Variants in RBFOX3 observed in about 807,000 individuals in gnomAD.
RBFOX3 encodes RNA binding fox-1 homolog 3.
Under a neutral mutation model 48.7 loss-of-function variants are expected in RBFOX3, and 17 were observed. The observed-to-expected ratio is 0.35, with a 90% CI of 0.24 to 0.52. RBFOX3 has a LOEUF of 0.52. RBFOX3 is among the 20% of genes least tolerant of loss of function. The pLI is 0.94. For missense variants in RBFOX3, 382 were observed against 497.5 expected, an observed-to-expected ratio of 0.77 and a Z score of 2.21; for synonymous variants, 212 against 209.5, an observed-to-expected ratio of 1.01 and a Z score of -0.10.
intron 2 of RBFOX3, among the ~76,000 whole-genome samples, chr17:79,420,435 G>T (rs542906948): frequency 6.6e-6 from 1 of 152,252 alleles, no homozygotes; most frequent in South Asian, 2.1e-4. Flanking sequence ...GTGAGTCAGC[G>T]GCCCCAGGGC....
chr17:79,252,731 T>C lies in RBFOX3; in HGVS notation c.-73-16926A>G, dbSNP rs1257433051. On this transcript the variant is annotated intron_variant, in intron 3 of 14. Coordinates refer to ENST00000693108, the MANE Select transcript of RBFOX3 (RefSeq NM_001350451.2). The surrounding 1 kb of genome is among the most constrained non-coding windows in gnomAD (Gnocchi z 4.0). ...TCTCAGCGTCACATCGCTCTGGCTG[T>C]GTTGACCACTCCCAGCCAACTGCCC... Among the ~76,000 whole-genome samples the C allele has an allele frequency of 6.6e-6, 1 of 152,210 alleles. No homozygotes were observed. Among genetic ancestry groups the C allele is most frequent in the African/African-American group, 2.4e-5 (1 of 41,454 alleles).
chr17:79,090,612 G>A lies in RBFOX3; in HGVS notation c.*271C>T, dbSNP rs1472443019. ...CTCCAACTCCCCCACTGCCTGAGAC[G>A]GAGGGGCGTGTTCCCACTGTGCTGC... On this transcript the variant is annotated 3_prime_UTR_variant, in exon 15 of 15. Coordinates refer to ENST00000693108, the MANE Select transcript of RBFOX3 (RefSeq NM_001350451.2). 2.8e-5 allele frequency: 13 copies of A among 464,060 alleles called. No individual in the cohort carries two copies. Among genetic ancestry groups the A allele is most frequent in the Non-Finnish European group, 5.0e-5 (13 of 261,366 alleles). The allele number at this position is 464,060 out of a possible 1,614,324, so 28.7% of individuals were successfully genotyped here. A position where few individuals can be genotyped will look rare whatever the true frequency, so the allele number is the denominator to read the frequency against.
At chr17:79,145,561 AG>A (rs2042857845) in intron 4 of RBFOX3, among the ~76,000 whole-genome samples, 1 of 152,158 alleles carries the variant, frequency 6.6e-6, no homozygotes, top group African/African-American at 2.4e-5. Context: ...CGGCTCTGAG[AG>A]GGGGCCCCGC....
intron 3 of RBFOX3, among the ~76,000 whole-genome samples, chr17:79,263,170 C>T (rs527866900): frequency 7.9e-4 from 120 of 152,304 alleles, no homozygotes; most frequent in Non-Finnish European, 1.4e-3. Flanking sequence ...GGTACCCCCC[C>T]GGCTGTGCTG....
At chr17:79,408,613 G>C (rs2063865555) in intron 2 of RBFOX3, among the ~76,000 whole-genome samples, 1 of 152,196 alleles carries the variant, frequency 6.6e-6, no homozygotes, top group South Asian at 2.1e-4. Context: ...TGGATGGAAG[G>C]CAGGTCCCTA....
intron 9 of RBFOX3, chr17:79,098,096 C>T (rs1199149590): frequency 3.6e-6 from 1 of 274,186 alleles, no homozygotes; most frequent in Non-Finnish European, 7.2e-6. Context: ...TTGTTATCTA[C>T]CCCCCTGAGC....
chr17:79,112,448 C>T (rs991525888), intron 5 of RBFOX3, among the ~76,000 whole-genome samples: 6 of 152,134 alleles, frequency 3.9e-5, no homozygotes, highest in African/African-American at 9.7e-5. Context: ...GAAGAGGCCT[C>T]GTGGTTCCAG....
At chr17:79,236,802 G>C (rs1004236633) in intron 3 of RBFOX3, among the ~76,000 whole-genome samples, 2 of 152,282 alleles carry the variant, frequency 1.3e-5, no homozygotes, top group South Asian at 4.1e-4. Context: ...CTCCACACGA[G>C]TGCCTGGAGA....
intron 1 of RBFOX3, among the ~76,000 whole-genome samples, chr17:79,563,064 C>G (rs1217745789): frequency 2.6e-5 from 4 of 152,118 alleles, no homozygotes; most frequent in African/African-American, 4.8e-5. Flanking sequence ...GCAGAGCGGG[C>G]GGGGGGAGCA....
chr17:79,268,276 G>T (rs2067069988), intron 3 of RBFOX3, among the ~76,000 whole-genome samples: 1 of 152,080 alleles, frequency 6.6e-6, no homozygotes, highest in Non-Finnish European at 1.5e-5. Flanking sequence ...AACCGTCCCA[G>T]TGTTTCCCAG....
chr17:79,091,463 T>C (rs138383400), intron 14 of RBFOX3, among the ~76,000 whole-genome samples: 174 of 152,316 alleles, frequency 1.1e-3, no homozygotes, highest in African/African-American at 4.1e-3. Flanking sequence ...TGCCCACGGC[T>C]GTGCTCAAGT....
intron 3 of RBFOX3, among the ~76,000 whole-genome samples, chr17:79,298,611 G>A (rs2074788851): frequency 6.6e-6 from 1 of 152,140 alleles, no homozygotes; most frequent in South Asian, 2.1e-4. Flanking sequence ...AGAACAGCAG[G>A]GCATTGCAGC....
At chr17:79,315,033 G>A (rs2077349622) in intron 2 of RBFOX3, among the ~76,000 whole-genome samples, 1 of 152,038 alleles carries the variant, frequency 6.6e-6, no homozygotes, top group African/African-American at 2.4e-5. Context: ...TTTTTGAGAC[G>A]AGCATGGTTA....
intron 4 of RBFOX3, among the ~76,000 whole-genome samples, chr17:79,181,035 G>A (rs975949738): frequency 5.9e-5 from 9 of 152,334 alleles, no homozygotes; most frequent in Middle Eastern, 3.4e-3. Context: ...CCCCAACTAT[G>A]AGCGCTGGTC....
chr17:79,611,260 C>G (rs1445059855), upstream of RBFOX3, among the ~76,000 whole-genome samples: 98 of 149,208 alleles, frequency 6.6e-4, no homozygotes, highest in African/African-American at 2.4e-3. Flanking sequence ...CAGGAGCACG[C>G]GGCGGCGGCG....
chr17:79,310,714 C>T lies in RBFOX3; in HGVS notation c.-174-2890G>A, dbSNP rs370557623. 2.0e-4 allele frequency among the ~76,000 whole-genome samples: 31 copies of T among 152,294 alleles called. No individual in the cohort carries two copies. In the East Asian group the frequency reaches 5.0e-3, roughly 25 times the overall value. Reference sequence around the variant, plus strand: ...GAGGGAGCACCGCTCTGTTGCTCACCGATGGCACAGACAAGTCACCCCCAG... The same window carrying T: ...GAGGGAGCACCGCTCTGTTGCTCACTGATGGCACAGACAAGTCACCCCCAG... On this transcript the variant is annotated intron_variant, in intron 2 of 14. Coordinates refer to ENST00000693108, the MANE Select transcript of RBFOX3 (RefSeq NM_001350451.2).
intron 3 of RBFOX3, among the ~76,000 whole-genome samples, chr17:79,281,045 G>A (rs1276492072): frequency 6.6e-6 from 1 of 152,234 alleles, no homozygotes; most frequent in African/African-American, 2.4e-5. Context: ...CACCCCCACT[G>A]GCAGGTGGCA....
chr17:79,239,499 C>G (rs1208413977), intron 3 of RBFOX3, among the ~76,000 whole-genome samples: 4 of 152,254 alleles, frequency 2.6e-5, no homozygotes, highest in Non-Finnish European at 5.9e-5. Context: ...AAAGCCCAGA[C>G]AGAGCAAGAC....
Position 79,212,323 on chromosome 17 carries a change from C to T in RBFOX3, c.-34+23443G>A, listed in dbSNP as rs1265790085. Among the ~76,000 whole-genome samples, 1 of 139,280 alleles carries T rather than the reference C, an allele frequency of 7.2e-6. No individual in the cohort carries two copies. The highest frequency in any genetic ancestry group is 2.6e-5 in the African/African-American group (1 of 37,860). The allele number at this position is 139,280 out of a possible 152,430, so 91.4% of individuals were successfully genotyped here. ...CCTACGTGACTCCTTTCTCCTCCTC[C>T]CCTCCCCATTTGCCTGGGAGGAAGG... is the stretch of plus-strand genomic sequence containing the variant. On this transcript the variant is annotated intron_variant, in intron 4 of 14. Coordinates refer to ENST00000693108, the MANE Select transcript of RBFOX3 (RefSeq NM_001350451.2). This position sits in a 1 kb window ranked among gnomAD's most constrained non-coding sequence, Gnocchi z 4.7.
Sources: allele counts gnomAD v4.1 joint callset (sites outside exome capture counted in the v4.1 genomes callset), GRCh38; gene constraint gnomAD v4.1.1; non-coding constraint Gnocchi (gnomAD v3.1); transcripts MANE v1.5; gene names NCBI Gene and HGNC (gene_info 2026-07-23, HGNC 2026-07-21).